Variants in RPS6KC1 observed in about 807,000 individuals in gnomAD.
RPS6KC1 encodes inactive ribosomal protein S6 kinase delta-1.
RPS6KC1 carries 54 observed loss-of-function variants against 103.8 expected under a neutral mutation model. That is an observed-to-expected ratio of 0.52 (90% confidence interval 0.42 to 0.65). The LOEUF (loss-of-function observed/expected upper bound fraction) is 0.65, where lower values mean the gene tolerates loss of function less well. Among genes scored for constraint, RPS6KC1 ranks in the 30% least tolerant of loss-of-function variants. The pLI is 0.00. For missense variants in RPS6KC1, 1,151 were observed against 1,253.8 expected, an observed-to-expected ratio of 0.92 and a Z score of 1.24; for synonymous variants, 439 against 438.7, an observed-to-expected ratio of 1.00 and a Z score of -0.01.
At chr1:213,404,643 A>C in the RPS6KC1 span, among the ~76,000 whole-genome samples, 1 of 152,170 alleles carries the variant, frequency 6.6e-6, no homozygotes. Flanking sequence ...AGCAATGTTT[A>C]ATTGACTATT....
the RPS6KC1 span, among the ~76,000 whole-genome samples, chr1:213,499,535 A>G: frequency 6.0e-4 from 92 of 152,260 alleles, 2 homozygotes; most frequent in East Asian, 0.016. Flanking sequence ...ACAATTCACA[A>G]TAGTGTTCTG....
At chr1:213,316,700 A>AGTGT in the RPS6KC1 span, among the ~76,000 whole-genome samples, 5,058 of 144,454 alleles carry the variant, frequency 0.035, 216 homozygotes, top group African/African-American at 0.11. Flanking sequence ...TAGGGCATGC[A>AGTGT]GTGTGTGTGT....
the RPS6KC1 span, among the ~76,000 whole-genome samples, chr1:213,683,348 G>A: frequency 2.0e-5 from 3 of 152,164 alleles, no homozygotes; most frequent in Admixed American, 6.5e-5. Flanking sequence ...TTGTCAAAAT[G>A]TATTTGTCTT....
At chr1:213,677,743 C>T in the RPS6KC1 span, among the ~76,000 whole-genome samples, 2 of 152,094 alleles carry the variant, frequency 1.3e-5, no homozygotes, top group Admixed American at 1.3e-4. Context: ...TGTGGTGGCT[C>T]ATACCTGTAA....
the RPS6KC1 span, among the ~76,000 whole-genome samples, chr1:213,582,550 A>G: frequency 6.6e-6 from 1 of 152,234 alleles, no homozygotes; most frequent in Non-Finnish European, 1.5e-5. Context: ...TTTAAGTATG[A>G]CATTTACCTC....
the RPS6KC1 span, among the ~76,000 whole-genome samples, chr1:213,834,733 A>G: frequency 1.3e-5 from 2 of 152,036 alleles, no homozygotes; most frequent in African/African-American, 4.8e-5. Flanking sequence ...CACACACCCC[A>G]AAATGATCTC....
the RPS6KC1 span, among the ~76,000 whole-genome samples, chr1:213,647,199 C>T: frequency 6.6e-6 from 1 of 152,108 alleles, no homozygotes; most frequent in Non-Finnish European, 1.5e-5. Context: ...GTATGAGCCA[C>T]CACACCCGAC....
At chr1:213,107,984 A>G (rs982383200) in intron 4 of RPS6KC1, among the ~76,000 whole-genome samples, 18 of 152,212 alleles carry the variant, frequency 1.2e-4, no homozygotes, top group Admixed American at 1.2e-3. Context: ...TTGAGTTGTA[A>G]GAGTTCTGAA....
intron 5 of RPS6KC1, among the ~76,000 whole-genome samples, chr1:213,128,314 T>C (rs1389101900): frequency 6.6e-6 from 1 of 152,236 alleles, no homozygotes; most frequent in Non-Finnish European, 1.5e-5. Flanking sequence ...AATATAGTTA[T>C]TTTTCATAAA....
chr1:213,358,217 T>A, the RPS6KC1 span, among the ~76,000 whole-genome samples: 3 of 152,194 alleles, frequency 2.0e-5, no homozygotes, highest in African/African-American at 7.2e-5. Flanking sequence ...TGGTACCAGC[T>A]CCTCCTTGTA....
the RPS6KC1 span, chr1:213,492,453 T>G: frequency 1.3e-5 from 2 of 152,254 alleles, no homozygotes; most frequent in Admixed American, 1.3e-4. Flanking sequence ...TCCTGTTTGT[T>G]CAGAATCTTA....
At chr1:213,498,801 A>G in the RPS6KC1 span, among the ~76,000 whole-genome samples, 2 of 130,588 alleles carry the variant, frequency 1.5e-5, no homozygotes, top group Admixed American at 1.6e-4. Context: ...TCTTTTTGAG[A>G]TGGAGTCTTG....
the RPS6KC1 span, among the ~76,000 whole-genome samples, chr1:213,405,166 G>A: frequency 6.6e-6 from 1 of 152,218 alleles, no homozygotes; most frequent in African/African-American, 2.4e-5. Context: ...TGCAATCCAT[G>A]TCTATCTATC....
chr1:213,648,325 T>C, the RPS6KC1 span, among the ~76,000 whole-genome samples: 1 of 152,146 alleles, frequency 6.6e-6, no homozygotes, highest in African/African-American at 2.4e-5. Context: ...AATAGAGCCG[T>C]GTGCATCTCC....
At chr1:213,674,132 C>T in the RPS6KC1 span, among the ~76,000 whole-genome samples, 1 of 152,120 alleles carries the variant, frequency 6.6e-6, no homozygotes, top group Admixed American at 6.5e-5. Flanking sequence ...GATTCTCTTA[C>T]CTCAGTCTCC....
chr1:213,308,119 T>A, the RPS6KC1 span, among the ~76,000 whole-genome samples: 1 of 151,872 alleles, frequency 6.6e-6, no homozygotes, highest in Admixed American at 6.6e-5. Flanking sequence ...CAAGACCAGC[T>A]TGGCCAACAT....
the RPS6KC1 span, among the ~76,000 whole-genome samples, chr1:213,343,232 A>C: frequency 1.3e-5 from 2 of 151,298 alleles, no homozygotes; most frequent in African/African-American, 4.9e-5. Context: ...AAAAGAAAAA[A>C]ATATAAGACA....
the RPS6KC1 span, among the ~76,000 whole-genome samples, chr1:213,731,234 C>G: frequency 6.6e-6 from 1 of 152,104 alleles, no homozygotes; most frequent in Non-Finnish European, 1.5e-5. Context: ...CTATTCAGCT[C>G]TTTTTGGTTC....
chr1:213,679,337 C>G, the RPS6KC1 span, among the ~76,000 whole-genome samples: 2 of 152,188 alleles, frequency 1.3e-5, no homozygotes, highest in African/African-American at 2.4e-5. Flanking sequence ...ACAGTTCTAC[C>G]TTGTTTAAAC....
Sources: gnomAD v4.1 joint callset for allele counts (sites outside exome capture counted in the v4.1 genomes callset) on GRCh38, gnomAD v4.1.1 for gene constraint, MANE v1.5 for transcripts, NCBI Gene and HGNC (gene_info 2026-07-23, HGNC 2026-07-21) for gene names.